Variants in MEI4 observed in about 807,000 individuals in gnomAD.
MEI4 encodes meiosis-specific protein MEI4.
MEI4 carries 27 observed loss-of-function variants against 31.4 expected under a neutral mutation model. The observed-to-expected ratio is 0.86, with a 90% CI of 0.63 to 1.19. The LOEUF is 1.19. Among genes scored for constraint, MEI4 ranks in the 50% most tolerant of loss-of-function variants. The probability of loss-of-function intolerance (pLI) is 0.00; values close to 1 mark genes in which losing one functional copy is unlikely to be tolerated. For missense variants in MEI4, 329 were observed against 398.9 expected, an observed-to-expected ratio of 0.82 and a Z score of 1.49; for synonymous variants, 122 against 145.4, an observed-to-expected ratio of 0.84 and a Z score of 1.16.
At chr6:77,739,347 C>A (rs945017433) in intron 2 of MEI4, among the ~76,000 whole-genome samples, 2 of 152,090 alleles carry the variant, frequency 1.3e-5, no homozygotes, top group African/African-American at 4.8e-5. Context: ...GGAATCCTGT[C>A]CCCATTGCTT....
At chr6:77,787,448 A>G (rs891328260) in intron 3 of MEI4, among the ~76,000 whole-genome samples, 1 of 152,178 alleles carries the variant, frequency 6.6e-6, no homozygotes, top group Non-Finnish European at 1.5e-5. Flanking sequence ...CCATCCCAAC[A>G]GCCTTGGACC....
At chr6:77,908,144 T>G (rs1766343927) in intron 4 of MEI4, among the ~76,000 whole-genome samples, 1 of 152,128 alleles carries the variant, frequency 6.6e-6, no homozygotes, top group Non-Finnish European at 1.5e-5. Flanking sequence ...CAGAAACTCT[T>G]TAGATTAATT....
At position 77,691,040 on chromosome 6, in the gene MEI4, T is replaced by G. The variant is rs9448150; in HGVS notation, c.232+137T>G. ...CTCGACATCTTCTAGCCTTATACAT[T>G]TTTTTACTTCTGGTCATTCATTAAA... On this transcript the variant is annotated intron_variant, in intron 2 of 4. Transcript: ENST00000684080. 1,308 of 422,730 alleles carry G rather than the reference T, an allele frequency of 3.1e-3. 13 individuals are homozygous for G. The highest frequency in any genetic ancestry group is 0.024 in the African/African-American group (1,171 of 49,010). 26.2% of individuals were successfully genotyped at this position (422,730 alleles called of 1,614,324 possible).
At chr6:77,698,301 C>A (rs1229001663) in intron 2 of MEI4, among the ~76,000 whole-genome samples, 2 of 152,210 alleles carry the variant, frequency 1.3e-5, no homozygotes, top group East Asian at 1.9e-4. Context: ...TGAATTTGAT[C>A]CTGTCAGTAT....
chr6:77,762,628 T>G (rs1487603570), intron 3 of MEI4, among the ~76,000 whole-genome samples: 6 of 152,236 alleles, frequency 3.9e-5, no homozygotes. Context: ...TTAGGGTTTT[T>G]GTACAGTGGA....
chr6:77,679,870 A>G (rs1029976777), intron 1 of MEI4, among the ~76,000 whole-genome samples: 13 of 151,202 alleles, frequency 8.6e-5, no homozygotes, highest in African/African-American at 2.9e-4. Context: ...CCTCCCGAGT[A>G]GCTGGGATTA....
At chr6:77,716,071 C>G (rs948739626) in intron 2 of MEI4, among the ~76,000 whole-genome samples, 4 of 152,176 alleles carry the variant, frequency 2.6e-5, no homozygotes, top group African/African-American at 4.8e-5. Flanking sequence ...TCTGAGCACT[C>G]ACCTTGTGCC....
chr6:77,788,685 C>G (rs1465956940), intron 3 of MEI4, among the ~76,000 whole-genome samples: 1 of 152,142 alleles, frequency 6.6e-6, no homozygotes, highest in East Asian at 1.9e-4. Context: ...ACCTAGGAAT[C>G]CAACTTACAA....
At chr6:77,888,904 C>T (rs1357764590) in intron 4 of MEI4, among the ~76,000 whole-genome samples, 7 of 152,144 alleles carry the variant, frequency 4.6e-5, no homozygotes, top group East Asian at 3.9e-4. Flanking sequence ...GATCTGATGG[C>T]GTTATAAGGG....
intron 4 of MEI4, among the ~76,000 whole-genome samples, chr6:77,900,237 G>C (rs1766161418): frequency 6.6e-6 from 1 of 151,976 alleles, no homozygotes; most frequent in South Asian, 2.1e-4. Flanking sequence ...CCAAATTAGT[G>C]CTTCCAAATT....
intron 2 of MEI4, among the ~76,000 whole-genome samples, chr6:77,745,118 A>C (rs917171554): frequency 6.6e-6 from 1 of 152,206 alleles, no homozygotes; most frequent in African/African-American, 2.4e-5. Flanking sequence ...CACACATAAC[A>C]ATATTAACTT....
chr6:77,835,229 G>A (rs1203532680), intron 4 of MEI4, among the ~76,000 whole-genome samples: 1 of 150,706 alleles, frequency 6.6e-6, no homozygotes, highest in East Asian at 1.9e-4. Flanking sequence ...GCGCGGTGGT[G>A]CATGCCTGTA....
At chr6:77,776,049 T>G (rs1768430962) in intron 3 of MEI4, among the ~76,000 whole-genome samples, 1 of 152,086 alleles carries the variant, frequency 6.6e-6, no homozygotes. Context: ...TTTTTCTTGC[T>G]GATTTGTTTG....
rs751803734 is a variant in MEI4 at position 77,923,055 on chromosome 6, C to A, written c.901-34C>A. On this transcript the variant is annotated intron_variant, in intron 4 of 4. Coordinates refer to ENST00000684080, the MANE Select transcript of MEI4 (RefSeq NM_001322247.2). The stretch of plus-strand genomic sequence containing the variant: ...ACATTTTTCTTAGGTAATTTATACC[C>A]AATTTTTTAAAGGAGTTTGTTGTTT... The A allele has an allele frequency of 2.5e-5, 30 of 1,217,702 alleles. No individual in the cohort carries two copies. In the African/African-American group the frequency reaches 4.4e-4, roughly 18 times the overall value. The allele number at this position is 1,217,702 out of a possible 1,614,324, so 75.4% of individuals were successfully genotyped here. A position where few individuals can be genotyped will look rare whatever the true frequency, so the allele number is the denominator to read the frequency against.
chr6:77,862,689 G>A (rs1424384771), intron 4 of MEI4, among the ~76,000 whole-genome samples: 3 of 152,202 alleles, frequency 2.0e-5, no homozygotes, highest in Non-Finnish European at 4.4e-5. Context: ...AACCTCTGCA[G>A]ACTTAAATGT....
intron 1 of MEI4, among the ~76,000 whole-genome samples, chr6:77,675,114 A>G (rs1768817350): frequency 6.6e-6 from 1 of 152,094 alleles, no homozygotes; most frequent in African/African-American, 2.4e-5. Flanking sequence ...AGGCATGAAC[A>G]GTTTTTAACA....
intron 4 of MEI4, among the ~76,000 whole-genome samples, chr6:77,887,838 A>T (rs573193497): frequency 6.6e-6 from 1 of 152,160 alleles, no homozygotes; most frequent in African/African-American, 2.4e-5. Context: ...TTGTCTCTCT[A>T]AATGACCTAA....
chr6:77,883,028 A>C (rs949343112), intron 4 of MEI4, among the ~76,000 whole-genome samples: 1 of 152,146 alleles, frequency 6.6e-6, no homozygotes, highest in Non-Finnish European at 1.5e-5. Flanking sequence ...ATAATTGCTT[A>C]TAACGCATAT....
chr6:77,760,521 A>T (rs1413707111), intron 2 of MEI4, among the ~76,000 whole-genome samples: 1 of 152,164 alleles, frequency 6.6e-6, no homozygotes, highest in Non-Finnish European at 1.5e-5. Context: ...TGGAAGCAAC[A>T]TCAAATTACT....
Sources: gnomAD v4.1 joint callset for allele counts (sites outside exome capture counted in the v4.1 genomes callset) on GRCh38, gnomAD v4.1.1 for gene constraint, MANE v1.5 for transcripts, NCBI Gene and HGNC (gene_info 2026-07-23, HGNC 2026-07-21) for gene names.